CAMK2B: variants seen among roughly 807,000 people sequenced by gnomAD.
CAMK2B encodes the protein calcium/calmodulin-dependent protein kinase type II subunit beta.
CAMK2B carries 27 observed loss-of-function variants against 93.7 expected under a neutral mutation model. That is an observed-to-expected ratio of 0.29 (90% CI 0.21 to 0.40). The LOEUF (loss-of-function observed/expected upper bound fraction) is 0.40, where lower values mean the gene tolerates loss of function less well. CAMK2B is among the 10% of genes least tolerant of loss of function. The probability of loss-of-function intolerance (pLI) is 1.00; values close to 1 mark genes in which losing one functional copy is unlikely to be tolerated. For missense variants in CAMK2B, 568 were observed against 895.8 expected, an observed-to-expected ratio of 0.63 and a Z score of 4.67; for synonymous variants, 374 against 358.8, an observed-to-expected ratio of 1.04 and a Z score of -0.48.
intron 1 of CAMK2B, among the ~76,000 whole-genome samples, chr7:44,322,610 C>G (rs1796380896): frequency 6.6e-6 from 1 of 152,228 alleles, no homozygotes; most frequent in Non-Finnish European, 1.5e-5. Flanking sequence ...CATGGGCCAC[C>G]AGGCTAGTGT....
Position 44,274,944 on chromosome 7 carries a change from C to A in CAMK2B, c.160+9187G>T, listed in dbSNP as rs570167063. On this transcript the variant is annotated intron_variant, in intron 2 of 23. Coordinates refer to ENST00000395749, the MANE Select transcript of CAMK2B (RefSeq NM_001220.5). ...AAAGCCAGGCAGCATGGAGGGCAAC[C>A]CTCCATCTATTTTACAGAAAAGAGG... Among the ~76,000 whole-genome samples the A allele has an allele frequency of 4.6e-5, 7 of 152,300 alleles. No individual in the cohort carries two copies. In the East Asian group the frequency reaches 1.4e-3, roughly 29 times the overall value.
Position 44,311,730 on chromosome 7 carries a change from G to A in CAMK2B, c.65+13627C>T, listed in dbSNP as rs1793611172. On this transcript the variant is annotated intron_variant, in intron 1 of 23. Coordinates refer to ENST00000395749, the MANE Select transcript of CAMK2B (RefSeq NM_001220.5). This position sits in a 1 kb window ranked among gnomAD's most constrained non-coding sequence, Gnocchi z 4.2. ...CCACCGCCCCAGCTCTGGGCCTCAG[G>A]GACAACAGTGGGAAACCAGAGGCCT... Among the ~76,000 whole-genome samples the A allele has an allele frequency of 6.6e-6, 1 of 152,180 alleles. No homozygotes were observed. Among genetic ancestry groups the A allele is most frequent in the Non-Finnish European group, 1.5e-5 (1 of 68,030 alleles).
At chr7:44,239,782 T>G (rs2128956109) in intron 12 of CAMK2B, 119 bp from the exon 13 acceptor site, 1 of 712,368 alleles carries the variant, frequency 1.4e-6, no homozygotes, top group East Asian at 2.7e-5. Flanking sequence ...AGTTAAAGTT[T>G]AGGTGACAGA....
chr7:44,274,592 A>G (rs1021576641), intron 2 of CAMK2B, among the ~76,000 whole-genome samples: 2 of 151,972 alleles, frequency 1.3e-5, no homozygotes, highest in African/African-American at 2.4e-5. Flanking sequence ...CCACTCCCCA[A>G]CCAGCTCAGT....
chr7:44,257,231 T>C (rs980488473), intron 4 of CAMK2B, among the ~76,000 whole-genome samples: 2 of 152,088 alleles, frequency 1.3e-5, no homozygotes, highest in African/African-American at 4.8e-5. Flanking sequence ...CAGAAACTGC[T>C]GTCCCGGCCC....
chr7:44,260,780 T>A (rs2096873104), intron 3 of CAMK2B, among the ~76,000 whole-genome samples: 2 of 152,150 alleles, frequency 1.3e-5, no homozygotes, highest in South Asian at 4.2e-4. Flanking sequence ...TCAAGCCCAG[T>A]GCAGAAAGAC....
At chr7:44,253,948 G>A (rs1026488603) in intron 5 of CAMK2B, among the ~76,000 whole-genome samples, 2 of 151,772 alleles carry the variant, frequency 1.3e-5, no homozygotes, top group African/African-American at 2.4e-5. Flanking sequence ...GGCAGAGCAG[G>A]GTGGGCAGAG....
chr7:44,301,675 A>G (rs1347583774), intron 1 of CAMK2B, among the ~76,000 whole-genome samples: 1 of 151,832 alleles, frequency 6.6e-6, no homozygotes, highest in Non-Finnish European at 1.5e-5. Context: ...TACTTGGGAG[A>G]CTGAGGCAGG....
At chr7:44,279,254 T>C (rs2097081374) in intron 2 of CAMK2B, among the ~76,000 whole-genome samples, 1 of 152,238 alleles carries the variant, frequency 6.6e-6, no homozygotes, top group Non-Finnish European at 1.5e-5. Context: ...TAAGAATTGA[T>C]AACTGTTGAA....
chr7:44,251,985 A>T (rs573121198), intron 5 of CAMK2B, among the ~76,000 whole-genome samples: 2 of 152,156 alleles, frequency 1.3e-5, no homozygotes, highest in Admixed American at 1.3e-4. Context: ...CTGGGGTTCA[A>T]GCAGATGGGA....
chr7:44,243,402 C>A (rs2096700789), intron 7 of CAMK2B, 23 bp downstream of exon 7: 19 of 1,613,004 alleles, frequency 1.2e-5, no homozygotes, highest in Non-Finnish European at 1.6e-5. Flanking sequence ...TGCCAGCCAA[C>A]ACACCCTGCC....
In CAMK2B at chr7:44,232,903, G is replaced by C. The variant is rs1284051936; in HGVS notation, c.1132-37C>G. Reference sequence around the variant, plus strand: ...GGAAGACACAGAGGAAGGAAAGAGAGGGAAAGTGAGAAGAGGAGGAAGCGG... The same window carrying C: ...GGAAGACACAGAGGAAGGAAAGAGACGGAAAGTGAGAAGAGGAGGAAGCGG... On this transcript the variant is annotated intron_variant, in intron 15 of 23. Transcript: ENST00000395749. The C allele has an allele frequency of 2.5e-6, 4 of 1,595,048 alleles. No individual in the cohort carries two copies. In the Admixed American group the frequency reaches 6.7e-5, roughly 27 times the overall value.
intron 1 of CAMK2B, among the ~76,000 whole-genome samples, chr7:44,309,423 G>A (rs1792862054): frequency 6.6e-6 from 1 of 152,070 alleles, no homozygotes; most frequent in Non-Finnish European, 1.5e-5. Flanking sequence ...GCTGGGCTGC[G>A]CCTCCAGCCC....
intron 19 of CAMK2B, among the ~76,000 whole-genome samples, chr7:44,228,006 G>A (rs113209416): frequency 0.016 from 2,460 of 151,714 alleles, 32 homozygotes; most frequent in South Asian, 0.043. Flanking sequence ...AGCGTGGTGC[G>A]TGGAGAGGAG....
At chr7:44,243,667 G>T in intron 6 of CAMK2B, 140 bp from the exon 7 acceptor site, 1 of 670,014 alleles carries the variant, frequency 1.5e-6, no homozygotes, top group Non-Finnish European at 2.7e-6. Context: ...GCCCCATGGT[G>T]TCTGCAGGGC....
intron 2 of CAMK2B, among the ~76,000 whole-genome samples, chr7:44,264,767 G>C (rs562750839): frequency 1.3e-5 from 2 of 152,352 alleles, no homozygotes; most frequent in East Asian, 3.9e-4. Context: ...AGGAGCCTCA[G>C]GGATTTGTGA....
intron 5 of CAMK2B, among the ~76,000 whole-genome samples, chr7:44,252,674 C>T (rs2096791448): frequency 6.6e-6 from 1 of 152,142 alleles, no homozygotes; most frequent in South Asian, 2.1e-4. Flanking sequence ...CCTCAGGGCA[C>T]TCCACCCATC....
At chr7:44,227,159 A>AGGTGCAGGGGACAGAGGAG (rs767735754) in intron 19 of CAMK2B, among the ~76,000 whole-genome samples, 1 of 890 alleles carries the variant, frequency 1.1e-3, no homozygotes, top group African/African-American at 6.4e-3. Context: ...GGACAGAGAG[A>AGGTGCAGGGGACAGAGGAG]GGTGCAGGGG....
At position 44,226,632 on chromosome 7, in the gene CAMK2B, G is replaced by C; in HGVS notation, c.1481C>G (p.Ser494Cys). 6.5e-7 allele frequency: 1 copy of C among 1,539,708 alleles called. No individual in the cohort carries two copies. Among genetic ancestry groups the C allele is most frequent in the Middle Eastern group, 1.8e-4 (1 of 5,686 alleles). ...GPLSSPSPRI[S>C]DILNSVRRGS... ...CCTCCTCACAGAGTTCAGGATGTCA[G>C]AGATCCTGGGGGCTGGGGCGGAACA... Residue 494 changes from serine (S) to cysteine (C), a missense_variant, in exon 20 of 24, where the codon TCT (serine) becomes TGT (cysteine). Transcript: ENST00000395749.
Sources: allele counts gnomAD v4.1 joint callset (sites outside exome capture counted in the v4.1 genomes callset), GRCh38; gene constraint gnomAD v4.1.1; non-coding constraint Gnocchi (gnomAD v3.1); transcripts MANE v1.5; gene names NCBI Gene and HGNC (gene_info 2026-07-23, HGNC 2026-07-21).